IL1RN: variants seen among roughly 807,000 people sequenced by gnomAD.
IL1RN encodes the protein interleukin-1 receptor antagonist protein.
Under a neutral mutation model 13.7 loss-of-function variants are expected in IL1RN, and 10 were observed. The ratio of observed to expected loss-of-function variants is 0.73; its 90% CI spans 0.45 to 1.24. IL1RN has a LOEUF of 1.24. Ranked by LOEUF, IL1RN falls within the 50% of genes most tolerant of loss-of-function variation. The pLI is 0.00. For synonymous variants in IL1RN, 102 were observed against 82.7 expected, an observed-to-expected ratio of 1.23 and a Z score of -1.27; for missense variants, 213 against 222.1, an observed-to-expected ratio of 0.96 and a Z score of 0.26.
upstream of IL1RN, among the ~76,000 whole-genome samples, chr2:113,126,011 T>A (rs1049430790): frequency 2.0e-5 from 3 of 152,216 alleles, no homozygotes; most frequent in Non-Finnish European, 2.9e-5. Context: ...TTGGTCAGGT[T>A]GGTCTTGAAC....
At chr2:113,129,892 T>A in intron 2 of IL1RN, 1 of 527,452 alleles carries the variant, frequency 1.9e-6, no homozygotes, top group Non-Finnish European at 3.5e-6. Context: ...TCAGTGCCTA[T>A]AGGCACAGTG....
Position 113,131,041 on chromosome 2 carries a change from C to G in IL1RN, c.206-4C>G, listed in dbSNP as rs759542463. On this transcript the variant is annotated splice_polypyrimidine_tract_variant and splice_region_variant and intron_variant, in intron 2 of 3. Transcript: ENST00000409930. ...ACCTGACCCTCCCCTCTGTTCTTCC[C>G]CAGAAAAGATAGATGTGGTACCCAT... The G allele has an allele frequency of 7.0e-6, 11 of 1,577,344 alleles. No homozygotes were observed. In the Admixed American group the frequency reaches 1.0e-4, roughly 14 times the overall value.
chr2:113,103,068 A>G (rs965969634), upstream of IL1RN, among the ~76,000 whole-genome samples: 1 of 152,230 alleles, frequency 6.6e-6, no homozygotes, highest in East Asian at 1.9e-4. Flanking sequence ...TTGGAATCAA[A>G]GACACAACTT....
At chr2:113,124,989 G>T (rs1212820567), upstream of IL1RN, among the ~76,000 whole-genome samples, 1 of 152,176 alleles carries the variant, frequency 6.6e-6, no homozygotes, top group African/African-American at 2.4e-5. Flanking sequence ...CCCAGGAGCC[G>T]CAGTGTGGGT....
At chr2:113,119,510 C>A (rs773784946) in intron 1 of IL1RN, among the ~76,000 whole-genome samples, 1 of 152,146 alleles carries the variant, frequency 6.6e-6, no homozygotes, top group African/African-American at 2.4e-5. Flanking sequence ...GCAGTTATTC[C>A]GGGGGCAGCA....
upstream of IL1RN, among the ~76,000 whole-genome samples, chr2:113,114,205 T>C (rs1335466983): frequency 6.6e-6 from 1 of 152,236 alleles, no homozygotes; most frequent in Non-Finnish European, 1.5e-5. Context: ...AATGTTATCA[T>C]TCCTGCCTCT....
chr2:113,131,948 G>A (rs972890309), intron 3 of IL1RN, among the ~76,000 whole-genome samples: 1 of 152,096 alleles, frequency 6.6e-6, no homozygotes, highest in Non-Finnish European at 1.5e-5. Context: ...GTGAGGAGTG[G>A]GGATGGCTAG....
chr2:113,131,885 C>T (rs1196027120), intron 3 of IL1RN, among the ~76,000 whole-genome samples: 4 of 152,148 alleles, frequency 2.6e-5, no homozygotes, highest in Non-Finnish European at 5.9e-5. Flanking sequence ...CATACTGTGG[C>T]ACTGTCCCAT....
At chr2:113,100,436 C>G in the IL1RN span, among the ~76,000 whole-genome samples, 7 of 152,114 alleles carry the variant, frequency 4.6e-5, no homozygotes, top group Non-Finnish European at 1.0e-4. Context: ...AGAGAAGCAG[C>G]AAATGACAAG....
chr2:113,113,677 G>T (rs1573278498), upstream of IL1RN, among the ~76,000 whole-genome samples: 1 of 152,164 alleles, frequency 6.6e-6, no homozygotes, highest in Non-Finnish European at 1.5e-5. Flanking sequence ...GGTTTCATGA[G>T]AGTATACTTA....
At chr2:113,103,993 G>A, upstream of IL1RN, among the ~76,000 whole-genome samples, 1 of 134,744 alleles carries the variant, frequency 7.4e-6, no homozygotes, top group African/African-American at 3.5e-5. Context: ...GGCATCAAGG[G>A]GTGTTTTTTT....
upstream of IL1RN, chr2:113,115,714 G>C (rs1409487572): frequency 6.6e-6 from 1 of 152,228 alleles, no homozygotes; most frequent in Non-Finnish European, 1.5e-5. Context: ...GAGTACCCTA[G>C]GCTAAGCCAC....
chr2:113,099,723 CTT>C, the IL1RN span, among the ~76,000 whole-genome samples: 10,096 of 70,838 alleles, frequency 0.14, 2,592 homozygotes, highest in African/African-American at 0.22. Flanking sequence ...CCTCTTCTTT[CTT>C]TTCTTTTTTT....
intron 3 of IL1RN, among the ~76,000 whole-genome samples, chr2:113,132,211 A>G (rs315954): frequency 0.96 from 145,978 of 152,310 alleles, 70,265 homozygotes; most frequent in East Asian, 1. Context: ...CACTTTGAGA[A>G]GCCAAGGTGG....
chr2:113,110,647 T>C (rs1156318970), upstream of IL1RN, among the ~76,000 whole-genome samples: 1 of 152,236 alleles, frequency 6.6e-6, no homozygotes, highest in Non-Finnish European at 1.5e-5. Context: ...TTCTTAGCTC[T>C]GCATCCTTAA....
chr2:113,109,688 GGGGGAAA>G (rs1426619469), upstream of IL1RN, among the ~76,000 whole-genome samples: 1 of 151,872 alleles, frequency 6.6e-6, no homozygotes, highest in African/African-American at 2.4e-5. Context: ...CTAACAGGAA[GGGGGAAA>G]GGCACAACAT....
upstream of IL1RN, among the ~76,000 whole-genome samples, chr2:113,108,136 G>T (rs1292474453): frequency 2.6e-5 from 4 of 152,144 alleles, no homozygotes; most frequent in Non-Finnish European, 4.4e-5. Flanking sequence ...CTCTGGAGAT[G>T]ATGTTTCTCT....
At chr2:113,118,165 G>T in intron 1 of IL1RN, 1 of 1,396,412 alleles carries the variant, frequency 7.2e-7, no homozygotes, top group Non-Finnish European at 1.0e-6. Context: ...CTCCAGGCCT[G>T]TCTGGGGGAT....
upstream of IL1RN, among the ~76,000 whole-genome samples, chr2:113,109,522 G>A (rs1686455135): frequency 6.6e-6 from 1 of 151,896 alleles, no homozygotes; most frequent in South Asian, 2.1e-4. Flanking sequence ...TGTCAGATTG[G>A]ATTTTAAAAT....
Sources: gnomAD v4.1 joint callset for allele counts (sites outside exome capture counted in the v4.1 genomes callset) on GRCh38, gnomAD v4.1.1 for gene constraint, MANE v1.5 for transcripts, NCBI Gene and HGNC (gene_info 2026-07-23, HGNC 2026-07-21) for gene names.